Variants in CALHM4 observed in about 807,000 individuals in gnomAD.
CALHM4 encodes the protein calcium homeostasis modulator protein 4.
A neutral mutation model predicts 13.3 loss-of-function variants in CALHM4; 16 were observed. The ratio of observed to expected loss-of-function variants is 1.20; its 90% confidence interval spans 0.81 to 1.82. The LOEUF is 1.82. Among genes scored for constraint, CALHM4 ranks in the 40% most tolerant of loss-of-function variants. The pLI is 0.00. For missense variants in CALHM4, 344 were observed against 374.9 expected (o/e 0.92, Z 0.68); for synonymous variants, 127 against 137.1 (o/e 0.93, Z 0.52).
chr6:116,531,359 A>G (rs1772713208), intron 1 of CALHM4, among the ~76,000 whole-genome samples: 2 of 152,124 alleles, frequency 1.3e-5, no homozygotes, highest in South Asian at 4.1e-4. Context: ...GTGAAACACC[A>G]GAAGCAGTGA....
intron 1 of CALHM4, among the ~76,000 whole-genome samples, chr6:116,532,261 TTG>T (rs904251127): frequency 3.9e-5 from 6 of 152,190 alleles, no homozygotes; most frequent in African/African-American, 1.4e-4. Flanking sequence ...TCTCTCTTTT[TTG>T]TCTTTTTTTT....
Position 116,558,654 on chromosome 6 carries a change from T to G in CALHM4, c.*443T>G, listed in dbSNP as rs779216415. 1.3e-5 allele frequency: 2 copies of G among 154,298 alleles called. No individual in the cohort carries two copies. The highest frequency in any genetic ancestry group is 6.4e-5 in the Admixed American group (1 of 15,532). 9.6% of individuals were successfully genotyped at this position (154,298 alleles called of 1,614,324 possible). A position where few individuals can be genotyped will look rare whatever the true frequency, so the allele number is the denominator to read the frequency against. On this transcript the variant is annotated 3_prime_UTR_variant, in exon 2 of 2. Transcript: ENST00000368596. Reference sequence around the variant, plus strand: ...CTCTTTCTCTTTTGCATTCCATGTCTTCTATTCACCATTTTCCCTGCCTCT... The same window carrying G: ...CTCTTTCTCTTTTGCATTCCATGTCGTCTATTCACCATTTTCCCTGCCTCT...
chr6:116,534,691 T>C (rs1562349658), intron 1 of CALHM4, among the ~76,000 whole-genome samples: 1 of 152,086 alleles, frequency 6.6e-6, no homozygotes, highest in Non-Finnish European at 1.5e-5. Context: ...TCATTCATAT[T>C]GCTTCCTATG....
In CALHM4 at chr6:116,558,251, TTGGCTTTTA is replaced by T. The variant is rs745434692; in HGVS notation, c.*52_*60del. On this transcript the variant is annotated 3_prime_UTR_variant, in exon 2 of 2. Transcript: ENST00000368596. The stretch of plus-strand genomic sequence containing the variant: ...ATGAGTCAGGTTGCTTAGCAGATAC[TTGGCTTTTA>T]TGGCTTTTATGATCAGGCCATTTCA... 3 of 1,558,342 alleles carry T rather than the reference TTGGCTTTTA, an allele frequency of 1.9e-6. No homozygotes were observed. Among genetic ancestry groups the T allele is most frequent in the Admixed American group, 1.8e-5 (1 of 54,668 alleles).
At position 116,558,427 on chromosome 6, in the gene CALHM4, AG is replaced by A. The variant is rs1289850473; in HGVS notation, c.*217del. 4 of 507,306 alleles carry A rather than the reference AG, an allele frequency of 7.9e-6. No homozygotes were observed. Among genetic ancestry groups the A allele is most frequent in the Admixed American group, 3.8e-5 (1 of 26,630 alleles). 31.4% of individuals were successfully genotyped at this position (507,306 alleles called of 1,614,324 possible). A position where few individuals can be genotyped will look rare whatever the true frequency, so the allele number is the denominator to read the frequency against. ...TTGCCAATGGTCTGGTAATGCCTAG[AG>A]TGGAATGTGAAGTCACATGGAAATT... On this transcript the variant is annotated 3_prime_UTR_variant, in exon 2 of 2. Coordinates refer to ENST00000368596, the MANE Select transcript of CALHM4 (RefSeq NM_001366078.2).
At position 116,558,978 on chromosome 6, in the gene CALHM4, G is replaced by A. The variant is rs777360664; in HGVS notation, c.*767G>A. ...GTTTCTTCTAGAAAGCTTCTCCACTGTGCTCTACTCCAGAGATACCATTTG... is the reference window on the plus strand; with the variant it reads ...GTTTCTTCTAGAAAGCTTCTCCACTATGCTCTACTCCAGAGATACCATTTG... On this transcript the variant is annotated 3_prime_UTR_variant, in exon 2 of 2. Coordinates refer to ENST00000368596, the MANE Select transcript of CALHM4 (RefSeq NM_001366078.2). 6.6e-6 allele frequency: 1 copy of A among 152,170 alleles called. No homozygotes were observed. Among genetic ancestry groups the A allele is most frequent in the Non-Finnish European group, 1.5e-5 (1 of 68,034 alleles). The allele number at this position is 152,170 out of a possible 1,614,324, so 9.4% of individuals were successfully genotyped here.
upstream of CALHM4, among the ~76,000 whole-genome samples, chr6:116,549,033 C>G (rs1462292857): frequency 6.6e-6 from 1 of 151,994 alleles, no homozygotes; most frequent in Non-Finnish European, 1.5e-5. Flanking sequence ...GTCTGTAATC[C>G]CAACACTTTG....
At chr6:116,536,103 T>C (rs1399644416) in intron 1 of CALHM4, among the ~76,000 whole-genome samples, 2 of 152,348 alleles carry the variant, frequency 1.3e-5, no homozygotes, top group East Asian at 1.9e-4. Context: ...TAAATTAGTA[T>C]GTCTTATTTA....
At chr6:116,555,919 A>T (rs1016351032) in intron 1 of CALHM4, among the ~76,000 whole-genome samples, 1 of 152,194 alleles carries the variant, frequency 6.6e-6, no homozygotes, top group African/African-American at 2.4e-5. Flanking sequence ...GAATGATGAG[A>T]TCCCTTCCCT....
At chr6:116,532,333 T>C (rs952900443) in intron 1 of CALHM4, among the ~76,000 whole-genome samples, 2 of 152,194 alleles carry the variant, frequency 1.3e-5, no homozygotes, top group African/African-American at 4.8e-5. Context: ...ACTCCTGGGC[T>C]CAAGCTATCC....
At chr6:116,539,620 T>A (rs9400931) in intron 1 of CALHM4, among the ~76,000 whole-genome samples, 1 of 151,934 alleles carries the variant, frequency 6.6e-6, no homozygotes, top group South Asian at 2.1e-4. Flanking sequence ...GAAAGCATGA[T>A]GGTATAGAAT....
upstream of CALHM4, among the ~76,000 whole-genome samples, chr6:116,550,025 TACAC>T (rs71554855): frequency 1.1e-4 from 11 of 96,338 alleles, no homozygotes; most frequent in African/African-American, 3.6e-4. Context: ...TATATATATA[TACAC>T]ACACACACAC....
At chr6:116,550,025 T>TAC (rs71554855), upstream of CALHM4, among the ~76,000 whole-genome samples, 320 of 96,198 alleles carry the variant, frequency 3.3e-3, 4 homozygotes, top group African/African-American at 0.011. Flanking sequence ...TATATATATA[T>TAC]ACACACACAC....
At position 116,559,664 on chromosome 6, in the gene CALHM4, G is replaced by T. The variant is rs767203725; in HGVS notation, c.*1453G>T. The stretch of plus-strand genomic sequence containing the variant: ...AATCAGTCCATCTCTCTGGACCCTG[G>T]ATTTTTTTCATCTATACAATAAAAG... On this transcript the variant is annotated 3_prime_UTR_variant, in exon 2 of 2. Coordinates refer to ENST00000368596, the MANE Select transcript of CALHM4 (RefSeq NM_001366078.2). Among the ~76,000 whole-genome samples the T allele has an allele frequency of 5.3e-5, 8 of 152,012 alleles. No homozygotes were observed. The highest frequency in any genetic ancestry group is 1.2e-4 in the Non-Finnish European group (8 of 67,978).
At position 116,553,969 on chromosome 6, in the gene CALHM4, C is replaced by T. The variant is rs1196617281; in HGVS notation, c.176C>T (p.Pro59Leu). 1.9e-6 allele frequency: 3 copies of T among 1,550,634 alleles called. No individual in the cohort carries two copies. The highest frequency in any genetic ancestry group is 3.9e-5 in the Admixed American group (2 of 50,992). ...TATGGTTCTGCTTTTCTTGTCATTC[C>T]TGCCTTGATCCTTCTCGTTGCTGGC... ...FYYGSAFLVI[P>L]ALILLVAGFA... Residue 59 changes from proline (P) to leucine (L), a missense_variant, in exon 1 of 2, where the codon CCT becomes CTT. Pro to Leu is a moderately conservative substitution (Grantham distance 98). Coordinates refer to ENST00000368596, the MANE Select transcript of CALHM4 (RefSeq NM_001366078.2).
At chr6:116,543,693 C>A in intron 1 of CALHM4, 1 of 826,218 alleles carries the variant, frequency 1.2e-6, no homozygotes, top group Non-Finnish European at 1.9e-6. Flanking sequence ...TCATGGAGGA[C>A]AGTTTTTTAA....
intron 1 of CALHM4, chr6:116,543,479 G>T: frequency 8.2e-7 from 1 of 1,219,456 alleles, no homozygotes; most frequent in Non-Finnish European, 1.1e-6. Context: ...TATAAAATCT[G>T]GTTTGAAGTA....
chr6:116,547,046 T>A (rs1413745777), intron 2 of CALHM4, among the ~76,000 whole-genome samples: 1 of 151,942 alleles, frequency 6.6e-6, no homozygotes, highest in Non-Finnish European at 1.5e-5. Flanking sequence ...AGTAGAGAGG[T>A]TGAGAAATGT....
chr6:116,541,262 A>G (rs945606497), intron 1 of CALHM4, among the ~76,000 whole-genome samples: 25 of 152,204 alleles, frequency 1.6e-4, no homozygotes, highest in Non-Finnish European at 2.8e-4. Context: ...GAAAGGTCAG[A>G]ATCTCTATCT....
Sources: gnomAD v4.1 joint callset for allele counts (sites outside exome capture counted in the v4.1 genomes callset) on GRCh38, gnomAD v4.1.1 for gene constraint, MANE v1.5 for transcripts, NCBI Gene and HGNC (gene_info 2026-07-23, HGNC 2026-07-21) for gene names.